The following NAALADL2 variants were observed in gnomAD, a reference collection of about 807,000 sequenced individuals.
NAALADL2 encodes the protein inactive N-acetylated-alpha-linked acidic dipeptidase-like protein 2.
Under a neutral mutation model 87.2 loss-of-function variants are expected in NAALADL2, and 76 were observed. That is an observed-to-expected ratio of 0.87 (90% CI 0.72 to 1.05). The LOEUF (loss-of-function observed/expected upper bound fraction) is 1.05. NAALADL2 is among the 50% of genes least tolerant of loss of function. NAALADL2 has a pLI of 0.00. For missense variants in NAALADL2, 1,089 were observed against 945.8 expected, an observed-to-expected ratio of 1.15 and a Z score of -1.99; for synonymous variants, 354 against 331.0, an observed-to-expected ratio of 1.07 and a Z score of -0.75.
At chr3:175,167,765 T>G (rs1457093573) in intron 2 of NAALADL2, among the ~76,000 whole-genome samples, 1 of 152,036 alleles carries the variant, frequency 6.6e-6, no homozygotes, top group East Asian at 1.9e-4. Context: ...AGGTTTCAGT[T>G]AAAAAACAGC....
At chr3:174,604,775 CT>C (rs957998680) in intron 2 of NAALADL2, among the ~76,000 whole-genome samples, 37 of 143,310 alleles carry the variant, frequency 2.6e-4, no homozygotes, top group Non-Finnish European at 2.8e-4. Context: ...TCTTTCTTTT[CT>C]TTTTTTTTTT....
At chr3:175,272,258 C>T (rs947863983) in intron 4 of NAALADL2, among the ~76,000 whole-genome samples, 1 of 152,032 alleles carries the variant, frequency 6.6e-6, no homozygotes, top group African/African-American at 2.4e-5. Context: ...AAAATCTGCT[C>T]CAGAAATGCA....
At chr3:174,657,376 C>T (rs1000396977) in intron 2 of NAALADL2, among the ~76,000 whole-genome samples, 5 of 152,046 alleles carry the variant, frequency 3.3e-5, no homozygotes, top group African/African-American at 9.7e-5. Flanking sequence ...AGGCTGCTCT[C>T]GAACTCCTGA....
At chr3:174,923,212 A>C (rs147385395) in intron 1 of NAALADL2, among the ~76,000 whole-genome samples, 24 of 152,304 alleles carry the variant, frequency 1.6e-4, no homozygotes, top group African/African-American at 5.8e-4. Flanking sequence ...CCAATTTTTC[A>C]TCTTAAGCTC....
chr3:174,843,011 T>G (rs2109430512), intron 3 of NAALADL2, among the ~76,000 whole-genome samples: 1 of 152,294 alleles, frequency 6.6e-6, no homozygotes, highest in South Asian at 2.1e-4. Context: ...TGTATATATT[T>G]ATGAGGTTCA....
chr3:175,268,575 C>T (rs1442097798), intron 4 of NAALADL2, among the ~76,000 whole-genome samples: 2 of 151,884 alleles, frequency 1.3e-5, no homozygotes, highest in Non-Finnish European at 2.9e-5. Context: ...ACTTTATGAA[C>T]TTTTTACTTT....
At chr3:174,908,366 A>T (rs567298752) in intron 1 of NAALADL2, among the ~76,000 whole-genome samples, 15 of 152,232 alleles carry the variant, frequency 9.9e-5, no homozygotes, top group African/African-American at 3.4e-4. Flanking sequence ...AAGGAAATCA[A>T]GCACGCCAGA....
intron 5 of NAALADL2, among the ~76,000 whole-genome samples, chr3:175,399,115 A>G (rs147582888): frequency 1.3e-5 from 2 of 152,258 alleles, no homozygotes; most frequent in Admixed American, 1.3e-4. Flanking sequence ...TAAGTTAAAA[A>G]GAAAAAGATC....
chr3:175,710,762 CTG>C (rs574804256), intron 11 of NAALADL2, among the ~76,000 whole-genome samples: 68 of 151,628 alleles, frequency 4.5e-4, no homozygotes, highest in Admixed American at 3.8e-3. Context: ...ATATGAAAAA[CTG>C]TGAAATATAT....
chr3:175,331,172 C>T (rs1761348425), intron 5 of NAALADL2, among the ~76,000 whole-genome samples: 1 of 151,924 alleles, frequency 6.6e-6, no homozygotes, highest in Non-Finnish European at 1.5e-5. Context: ...CCAACAACAA[C>T]AAAAAAACCT....
chr3:175,710,597 T>TATATAC (rs1553956759), intron 11 of NAALADL2, among the ~76,000 whole-genome samples: 1 of 151,004 alleles, frequency 6.6e-6, no homozygotes, highest in African/African-American at 2.4e-5. Context: ...TATATATATA[T>TATATAC]ACACATATAT....
At chr3:175,377,006 T>TA (rs112464583) in intron 5 of NAALADL2, among the ~76,000 whole-genome samples, 228 of 128,652 alleles carry the variant, frequency 1.8e-3, no homozygotes, top group Middle Eastern at 7.7e-3. Flanking sequence ...GGCCTTCTTT[T>TA]AAAAAAAAAA....
At chr3:175,100,838 CAAAAAAAAAA>C (rs562200946) in intron 2 of NAALADL2, among the ~76,000 whole-genome samples, 16 of 69,328 alleles carry the variant, frequency 2.3e-4, no homozygotes, top group African/African-American at 7.4e-4. Context: ...GACTCTGTCT[CAAAAAAAAAA>C]AAAAAAAAAA....
At chr3:174,441,545 C>A (rs1168393021) in intron 1 of NAALADL2, among the ~76,000 whole-genome samples, 5 of 152,162 alleles carry the variant, frequency 3.3e-5, no homozygotes, top group African/African-American at 1.2e-4. Context: ...CGTGGAATGC[C>A]GCTCCAGTGG....
At chr3:175,218,852 C>A (rs1420361899) in intron 2 of NAALADL2, among the ~76,000 whole-genome samples, 3 of 151,744 alleles carry the variant, frequency 2.0e-5, no homozygotes, top group African/African-American at 7.3e-5. Context: ...TTTGCCCAGG[C>A]TGGAGTGCAA....
intron 5 of NAALADL2, among the ~76,000 whole-genome samples, chr3:175,336,079 G>A (rs1197261810): frequency 2.6e-5 from 4 of 151,712 alleles, no homozygotes; most frequent in African/African-American, 9.7e-5. Flanking sequence ...GAATACCCTC[G>A]CTGCTTCCTT....
intron 2 of NAALADL2, among the ~76,000 whole-genome samples, chr3:175,226,525 G>A (rs1259594173): frequency 1.3e-5 from 2 of 152,020 alleles, no homozygotes; most frequent in Non-Finnish European, 2.9e-5. Context: ...ATTCAGTGTA[G>A]AATAGTAGAA....
At chr3:174,572,088 T>C (rs1714995890) in intron 2 of NAALADL2, among the ~76,000 whole-genome samples, 1 of 152,132 alleles carries the variant, frequency 6.6e-6, no homozygotes, top group Non-Finnish European at 1.5e-5. Flanking sequence ...CATATATGGA[T>C]AATTCTTCTT....
intron 2 of NAALADL2, among the ~76,000 whole-genome samples, chr3:175,192,287 A>T (rs1738324929): frequency 6.6e-6 from 1 of 151,682 alleles, no homozygotes; most frequent in Admixed American, 6.6e-5. Context: ...ATTGAACAAA[A>T]CTCCACCTTT....
Sources: allele counts gnomAD v4.1 joint callset (sites outside exome capture counted in the v4.1 genomes callset), GRCh38; gene constraint gnomAD v4.1.1; transcripts MANE v1.5; gene names NCBI Gene and HGNC (gene_info 2026-07-23, HGNC 2026-07-21).